The following GABRB1 variants were observed in gnomAD, a reference collection of about 807,000 sequenced individuals.
GABRB1 encodes the protein gamma-aminobutyric acid type A receptor subunit beta1, also known as gamma-aminobutyric acid receptor subunit beta-1.
GABRB1 carries 17 observed loss-of-function variants against 51.6 expected under a neutral mutation model. The ratio of observed to expected loss-of-function variants is 0.33; its 90% CI spans 0.23 to 0.49. The LOEUF is 0.49. Ranked by LOEUF, GABRB1 falls within the 20% of genes least tolerant of loss-of-function variation. GABRB1 has a pLI of 0.99. For missense variants in GABRB1, 410 were observed against 600.6 expected (o/e 0.68, Z 3.32); for synonymous variants, 247 against 218.9 (o/e 1.13, Z -1.14).
chr4:47,220,996 T>C (rs909767447), intron 4 of GABRB1, among the ~76,000 whole-genome samples: 1 of 152,030 alleles, frequency 6.6e-6, no homozygotes, highest in Non-Finnish European at 1.5e-5. Flanking sequence ...CGTTACCACC[T>C]TTGATGTAAC....
chr4:47,206,595 T>A (rs900288380), intron 4 of GABRB1, among the ~76,000 whole-genome samples: 14 of 152,024 alleles, frequency 9.2e-5, no homozygotes, highest in African/African-American at 1.9e-4. Context: ...ATTATTTCAT[T>A]TAATCTTCAG....
chr4:47,340,840 G>A (rs1725865564), intron 5 of GABRB1, among the ~76,000 whole-genome samples: 1 of 152,142 alleles, frequency 6.6e-6, no homozygotes, highest in Non-Finnish European at 1.5e-5. Context: ...TGATAGCTGT[G>A]GTAGCGATGC....
At chr4:47,184,031 A>C (rs1719065669) in intron 4 of GABRB1, among the ~76,000 whole-genome samples, 2 of 151,796 alleles carry the variant, frequency 1.3e-5, no homozygotes, top group Non-Finnish European at 2.9e-5. Context: ...AGTCCTGTTC[A>C]CTCAGAATGT....
chr4:47,250,586 G>C (rs1340039315), intron 4 of GABRB1, among the ~76,000 whole-genome samples: 1 of 152,034 alleles, frequency 6.6e-6, no homozygotes, highest in Admixed American at 6.6e-5. Flanking sequence ...CTGGAACACT[G>C]GTTAGTGTTA....
intron 4 of GABRB1, among the ~76,000 whole-genome samples, chr4:47,195,881 C>T (rs991457273): frequency 2.0e-5 from 3 of 152,190 alleles, no homozygotes; most frequent in African/African-American, 7.2e-5. Flanking sequence ...TGATTCAGTG[C>T]CAAATTCTGC....
At chr4:46,996,642 C>T (rs562975538) in intron 1 of GABRB1, among the ~76,000 whole-genome samples, 6 of 152,132 alleles carry the variant, frequency 3.9e-5, no homozygotes, top group South Asian at 2.1e-4. Context: ...ACCAAACAGG[C>T]GAATGAATAT....
intron 8 of GABRB1, among the ~76,000 whole-genome samples, chr4:47,409,411 A>G (rs1239635428): frequency 6.6e-6 from 1 of 152,076 alleles, no homozygotes; most frequent in Non-Finnish European, 1.5e-5. Flanking sequence ...GTGGGAAGAT[A>G]ATCTTCCCCA....
intron 4 of GABRB1, among the ~76,000 whole-genome samples, chr4:47,169,507 T>C (rs1347589852): frequency 6.6e-6 from 1 of 151,514 alleles, no homozygotes; most frequent in Admixed American, 6.6e-5. Flanking sequence ...GAAGGCACTT[T>C]TTTTTTTTTT....
chr4:47,227,234 C>CA (rs1160751452), intron 4 of GABRB1, among the ~76,000 whole-genome samples: 5 of 152,058 alleles, frequency 3.3e-5, no homozygotes, highest in African/African-American at 7.2e-5. Context: ...TTTTTTCGTG[C>CA]AAAATTGTAT....
intron 4 of GABRB1, among the ~76,000 whole-genome samples, chr4:47,292,653 G>C (rs939353849): frequency 1.3e-5 from 2 of 152,232 alleles, no homozygotes; most frequent in Non-Finnish European, 2.9e-5. Context: ...GCTGTGGTAA[G>C]AGACTATTGC....
intron 5 of GABRB1, among the ~76,000 whole-genome samples, chr4:47,393,583 C>G (rs1176568971): frequency 6.6e-6 from 1 of 152,112 alleles, no homozygotes; most frequent in Non-Finnish European, 1.5e-5. Flanking sequence ...TTCAACTTTG[C>G]CAAAGTTCAG....
intron 3 of GABRB1, among the ~76,000 whole-genome samples, chr4:47,063,540 C>T (rs1726931961): frequency 3.9e-5 from 6 of 152,104 alleles, no homozygotes. Flanking sequence ...CGAGTCTCCA[C>T]ATGATGCCAA....
chr4:47,276,770 C>T (rs554483153), intron 4 of GABRB1, among the ~76,000 whole-genome samples: 26 of 152,230 alleles, frequency 1.7e-4, no homozygotes, highest in African/African-American at 5.1e-4. Context: ...TTGTTCTATA[C>T]GACTACCTGT....
intron 4 of GABRB1, among the ~76,000 whole-genome samples, chr4:47,213,221 A>G (rs1720432433): frequency 6.6e-6 from 1 of 152,108 alleles, no homozygotes; most frequent in Non-Finnish European, 1.5e-5. Context: ...GATTGTTTAT[A>G]TGCTTATCTC....
At chr4:47,413,396 A>G (rs17653595) in intron 8 of GABRB1, among the ~76,000 whole-genome samples, 21,313 of 152,210 alleles carry the variant, frequency 0.14, 1,617 homozygotes, top group Middle Eastern at 0.22. Flanking sequence ...AAAAGTCCAG[A>G]CAGATAATAT....
chr4:47,206,280 C>A (rs1434840220), intron 4 of GABRB1, among the ~76,000 whole-genome samples: 1 of 151,972 alleles, frequency 6.6e-6, no homozygotes, highest in Non-Finnish European at 1.5e-5. Flanking sequence ...TTCATGGAAG[C>A]TCTAAATCCT....
chr4:47,152,236 A>C (rs568590224), intron 3 of GABRB1, among the ~76,000 whole-genome samples: 1 of 152,142 alleles, frequency 6.6e-6, no homozygotes, highest in Non-Finnish European at 1.5e-5. Context: ...ATAAGATGAC[A>C]GCACTAACAC....
intron 4 of GABRB1, among the ~76,000 whole-genome samples, chr4:47,255,724 G>C (rs766935714): frequency 3.3e-5 from 5 of 152,172 alleles, no homozygotes; most frequent in Non-Finnish European, 5.9e-5. Context: ...GCCTCTTTCA[G>C]GGAGATTCTG....
chr4:47,408,236 C>T (rs1175835746), intron 8 of GABRB1, among the ~76,000 whole-genome samples: 1 of 152,166 alleles, frequency 6.6e-6, no homozygotes, highest in Non-Finnish European at 1.5e-5. Context: ...AAGAGCTAAC[C>T]ATGCCATGTC....
Sources: allele counts gnomAD v4.1 joint callset (sites outside exome capture counted in the v4.1 genomes callset), GRCh38; gene constraint gnomAD v4.1.1; transcripts MANE v1.5; gene names NCBI Gene and HGNC (gene_info 2026-07-23, HGNC 2026-07-21).